Variants in AGBL4 observed in about 807,000 individuals in gnomAD.
AGBL4 encodes the protein cytosolic carboxypeptidase 6.
AGBL4 carries 58 observed loss-of-function variants against 66.4 expected under a neutral mutation model. That is an observed-to-expected ratio of 0.87 (90% CI 0.71 to 1.09). The LOEUF is 1.09. Among genes scored for constraint, AGBL4 ranks in the 50% least tolerant of loss-of-function variants. The pLI, the probability that AGBL4 is intolerant of heterozygous loss-of-function variation, is 0.00. For synonymous variants in AGBL4, 234 were observed against 222.9 expected (o/e 1.05, Z -0.44); for missense variants, 579 against 631.0 (o/e 0.92, Z 0.88).
chr1:49,755,024 C>T (rs1165863304), intron 2 of AGBL4, among the ~76,000 whole-genome samples: 1 of 152,100 alleles, frequency 6.6e-6, no homozygotes, highest in African/African-American at 2.4e-5. Context: ...TGCTTTACTC[C>T]AAGCCTAATA....
chr1:49,248,469 T>C (rs986018869), intron 3 of AGBL4, among the ~76,000 whole-genome samples: 1 of 152,214 alleles, frequency 6.6e-6, no homozygotes, highest in African/African-American at 2.4e-5. Flanking sequence ...ACTGGTAATG[T>C]GATTAAGTAA....
At chr1:48,778,094 G>C (rs1645181753) in intron 6 of AGBL4, among the ~76,000 whole-genome samples, 1 of 152,090 alleles carries the variant, frequency 6.6e-6, no homozygotes, top group South Asian at 2.1e-4. Flanking sequence ...ACTTGACAGG[G>C]AGTTAATGAA....
intron 2 of AGBL4, among the ~76,000 whole-genome samples, chr1:49,772,719 C>A (rs1644097248): frequency 6.6e-6 from 1 of 152,186 alleles, no homozygotes; most frequent in Non-Finnish European, 1.5e-5. Flanking sequence ...ACTCTGCTGA[C>A]AATCTAATGA....
intron 3 of AGBL4, among the ~76,000 whole-genome samples, chr1:49,374,548 G>A (rs1232636916): frequency 6.6e-6 from 1 of 152,060 alleles, no homozygotes; most frequent in Admixed American, 6.6e-5. Flanking sequence ...TGACCACTCT[G>A]TCAATGCACA....
chr1:49,360,649 T>C (rs1290115379), intron 3 of AGBL4, among the ~76,000 whole-genome samples: 4 of 152,178 alleles, frequency 2.6e-5, no homozygotes, highest in Non-Finnish European at 2.9e-5. Context: ...GACAGCTTAG[T>C]AGGTACCTTT....
intron 1 of AGBL4, among the ~76,000 whole-genome samples, chr1:49,857,038 G>C (rs1333909703): frequency 6.8e-5 from 10 of 147,608 alleles, no homozygotes; most frequent in Non-Finnish European, 4.5e-5. Context: ...AAAGTTTCAA[G>C]ATACAAATTC....
chr1:49,389,131 C>T (rs1644797055), intron 3 of AGBL4, among the ~76,000 whole-genome samples: 1 of 152,036 alleles, frequency 6.6e-6, no homozygotes, highest in African/African-American at 2.4e-5. Flanking sequence ...GCACCAAAAA[C>T]CTCTTTGAGG....
At chr1:49,516,657 A>T (rs1039512493) in intron 3 of AGBL4, among the ~76,000 whole-genome samples, 1 of 151,992 alleles carries the variant, frequency 6.6e-6, no homozygotes, top group Non-Finnish European at 1.5e-5. Flanking sequence ...CCAGGAGAGG[A>T]TATGTGATTA....
intron 3 of AGBL4, among the ~76,000 whole-genome samples, chr1:49,664,641 G>T (rs1646328383): frequency 6.6e-6 from 1 of 152,048 alleles, no homozygotes; most frequent in Non-Finnish European, 1.5e-5. Flanking sequence ...TTTCAACGGT[G>T]CATAATAACA....
chr1:49,516,262 A>C (rs1054102365), intron 3 of AGBL4, among the ~76,000 whole-genome samples: 2 of 152,020 alleles, frequency 1.3e-5, no homozygotes, highest in Admixed American at 6.6e-5. Context: ...ATAGCATCAC[A>C]AATGGTGTTA....
chr1:49,508,905 CCCAAACTCAATTCAT>C (rs1255711398), intron 3 of AGBL4, among the ~76,000 whole-genome samples: 1 of 151,522 alleles, frequency 6.6e-6, no homozygotes, highest in Non-Finnish European at 1.5e-5. Flanking sequence ...TTACCATATG[CCCAAACTCAATTCAT>C]CCAATAAGAC....
intron 3 of AGBL4, among the ~76,000 whole-genome samples, chr1:49,437,649 G>A (rs530909630): frequency 6.6e-6 from 1 of 152,232 alleles, no homozygotes; most frequent in African/African-American, 2.4e-5. Flanking sequence ...TCTGCAGTGG[G>A]AACAAAAGAA....
intron 1 of AGBL4, among the ~76,000 whole-genome samples, chr1:49,940,947 AG>A (rs1654697735): frequency 6.6e-6 from 1 of 152,122 alleles, no homozygotes; most frequent in Non-Finnish European, 1.5e-5. Context: ...GAAGGAAAAA[AG>A]TTTCAAATAA....
chr1:49,856,438 A>T (rs1646435305), intron 1 of AGBL4, among the ~76,000 whole-genome samples: 1 of 152,120 alleles, frequency 6.6e-6, no homozygotes, highest in Non-Finnish European at 1.5e-5. Flanking sequence ...AAGAAACAAT[A>T]AGCCAATTTC....
chr1:49,003,673 TG>T, intron 5 of AGBL4, among the ~76,000 whole-genome samples: 1 of 152,236 alleles, frequency 6.6e-6, no homozygotes, highest in East Asian at 1.9e-4. Flanking sequence ...CAGTTACTCG[TG>T]TATGAGTCTT....
chr1:49,553,267 C>T (rs1319596664), intron 3 of AGBL4, among the ~76,000 whole-genome samples: 1 of 152,172 alleles, frequency 6.6e-6, no homozygotes, highest in African/African-American at 2.4e-5. Flanking sequence ...ATTAATACAT[C>T]TCTCTGTTCT....
At chr1:48,537,957 A>G (rs1316097454) in intron 12 of AGBL4, among the ~76,000 whole-genome samples, 2 of 152,176 alleles carry the variant, frequency 1.3e-5, no homozygotes, top group Non-Finnish European at 2.9e-5. Context: ...GGCCTGGTAT[A>G]AAGTGTTGCT....
At chr1:49,680,707 G>T (rs1646676645) in intron 3 of AGBL4, among the ~76,000 whole-genome samples, 1 of 151,568 alleles carries the variant, frequency 6.6e-6, no homozygotes, top group African/African-American at 2.4e-5. Flanking sequence ...TTTTATTTGG[G>T]TTTATCCTGC....
chr1:48,575,949 C>G (rs978182261), intron 11 of AGBL4, among the ~76,000 whole-genome samples: 1 of 152,166 alleles, frequency 6.6e-6, no homozygotes, highest in African/African-American at 2.4e-5. Context: ...CCAGACCCTC[C>G]CTGTCCTTAT....
Sources: gnomAD v4.1 joint callset for allele counts (sites outside exome capture counted in the v4.1 genomes callset) on GRCh38, gnomAD v4.1.1 for gene constraint, MANE v1.5 for transcripts, NCBI Gene and HGNC (gene_info 2026-07-23, HGNC 2026-07-21) for gene names.